OR51B5: variants seen among roughly 807,000 people sequenced by gnomAD.
OR51B5 encodes the protein olfactory receptor 51B5.
For synonymous variants in OR51B5, 186 were observed against 144.8 expected, an observed-to-expected ratio of 1.28 and a Z score of -2.04; for missense variants, 456 against 374.6, an observed-to-expected ratio of 1.22 and a Z score of -1.79.
intron 1 of OR51B5, among the ~76,000 whole-genome samples, chr11:5,374,069 G>A (rs1177101394): frequency 6.6e-6 from 1 of 152,152 alleles, no homozygotes; most frequent in African/African-American, 2.4e-5. Context: ...CAGCCTAACT[G>A]GGAGGCACCC....
chr11:5,418,266 G>A (rs1242851956), intron 1 of OR51B5, among the ~76,000 whole-genome samples: 1 of 152,032 alleles, frequency 6.6e-6, no homozygotes, highest in African/African-American at 2.4e-5. Flanking sequence ...GGGGTGCGGG[G>A]AGGGGGTAGG....
At chr11:5,421,005 G>A (rs571825376) in intron 1 of OR51B5, among the ~76,000 whole-genome samples, 9 of 152,324 alleles carry the variant, frequency 5.9e-5, no homozygotes, top group Admixed American at 5.2e-4. Context: ...ATAGAAGGAA[G>A]TCTTTTAGAA....
intron 1 of OR51B5, chr11:5,453,876 T>A (rs750356894): frequency 1.2e-6 from 2 of 1,614,228 alleles, no homozygotes; most frequent in Admixed American, 3.3e-5. Context: ...TTGTGACCCC[T>A]TGCGCTATGC....
At chr11:5,352,470 A>G in intron 1 of OR51B5, 1 of 1,460,828 alleles carries the variant, frequency 6.8e-7, no homozygotes, top group Non-Finnish European at 9.4e-7. Context: ...GTCTCTGAGG[A>G]ATAATTCAGG....
intron 1 of OR51B5, chr11:5,422,699 C>A (rs200167706): frequency 1.9e-6 from 3 of 1,613,918 alleles, no homozygotes; most frequent in Non-Finnish European, 1.7e-6. Context: ...CTTACTCAAG[C>A]GACTGCCTTT....
At chr11:5,411,805 G>A (rs1336779704) in intron 1 of OR51B5, among the ~76,000 whole-genome samples, 2 of 152,158 alleles carry the variant, frequency 1.3e-5, no homozygotes, top group Non-Finnish European at 2.9e-5. Context: ...CCAGAGAAAA[G>A]GCAATGTCAG....
intron 1 of OR51B5, among the ~76,000 whole-genome samples, chr11:5,357,314 G>A (rs914568747): frequency 6.6e-6 from 1 of 151,668 alleles, no homozygotes; most frequent in South Asian, 2.1e-4. Flanking sequence ...AAAAAAGGCA[G>A]GGGTTGCAAT....
chr11:5,448,732 C>A (rs959958444), intron 1 of OR51B5, among the ~76,000 whole-genome samples: 2 of 152,178 alleles, frequency 1.3e-5, no homozygotes, highest in Non-Finnish European at 2.9e-5. Context: ...ACTTTCCATT[C>A]CCCCATCTGT....
intron 1 of OR51B5, among the ~76,000 whole-genome samples, chr11:5,479,977 C>T (rs1249746726): frequency 2.0e-5 from 3 of 146,696 alleles, no homozygotes; most frequent in Non-Finnish European, 4.5e-5. Context: ...AACAAGGATA[C>T]CCAGGAATTG....
At chr11:5,406,913 G>A (rs1850065907) in intron 1 of OR51B5, among the ~76,000 whole-genome samples, 1 of 152,028 alleles carries the variant, frequency 6.6e-6, no homozygotes, top group Non-Finnish European at 1.5e-5. Flanking sequence ...AACTGTCAGA[G>A]CTACAAAAAT....
intron 1 of OR51B5, among the ~76,000 whole-genome samples, chr11:5,417,587 A>AC (rs1850262909): frequency 6.6e-6 from 1 of 151,544 alleles, no homozygotes; most frequent in Non-Finnish European, 1.5e-5. Context: ...ACAAGAAAAA[A>AC]AAAACCCCAT....
chr11:5,382,428 T>G (rs1348525286), intron 1 of OR51B5, among the ~76,000 whole-genome samples: 1 of 152,208 alleles, frequency 6.6e-6, no homozygotes, highest in East Asian at 1.9e-4. Context: ...TGTCCATCTC[T>G]TACATTGCGC....
chr11:5,458,177 A>G (rs1412185504), intron 1 of OR51B5, among the ~76,000 whole-genome samples: 1 of 152,184 alleles, frequency 6.6e-6, no homozygotes, highest in Admixed American at 6.5e-5. Flanking sequence ...GTTTCAATCT[A>G]CTGGGTATGG....
At chr11:5,372,923 A>T (rs1271347155) in intron 1 of OR51B5, among the ~76,000 whole-genome samples, 1 of 152,230 alleles carries the variant, frequency 6.6e-6, no homozygotes, top group Non-Finnish European at 1.5e-5. Context: ...TTCAAATTAT[A>T]TTACAAAGCT....
chr11:5,396,053 A>T (rs905178597), intron 1 of OR51B5, among the ~76,000 whole-genome samples: 1 of 152,158 alleles, frequency 6.6e-6, no homozygotes, highest in African/African-American at 2.4e-5. Context: ...ACTTTGCACA[A>T]TCATAGAGTG....
At chr11:5,388,366 T>C (rs1464575657) in intron 1 of OR51B5, among the ~76,000 whole-genome samples, 6 of 151,258 alleles carry the variant, frequency 4.0e-5, no homozygotes, top group East Asian at 1.9e-4. Context: ...CAGGAACACA[T>C]AGGAGAGGGT....
chr11:5,453,238 T>C, intron 1 of OR51B5: 1 of 340,086 alleles, frequency 2.9e-6, no homozygotes. Flanking sequence ...TTTGTCAATG[T>C]CTTCCTTGTT....
intron 1 of OR51B5, chr11:5,383,904 G>C (rs1849646075): frequency 6.6e-6 from 1 of 152,148 alleles, no homozygotes; most frequent in African/African-American, 2.4e-5. Context: ...TCACATTTTT[G>C]TTATTACCTG....
intron 1 of OR51B5, among the ~76,000 whole-genome samples, chr11:5,441,765 A>C (rs1033078204): frequency 1.3e-5 from 2 of 152,198 alleles, no homozygotes; most frequent in Non-Finnish European, 1.5e-5. Context: ...ATGAGTGCCC[A>C]TAACATAGCA....
Sources: allele counts gnomAD v4.1 joint callset (sites outside exome capture counted in the v4.1 genomes callset), GRCh38; gene constraint gnomAD v4.1.1; transcripts MANE v1.5; gene names NCBI Gene and HGNC (gene_info 2026-07-23, HGNC 2026-07-21).